Variants in ATG7 observed in about 807,000 individuals in gnomAD.
The protein encoded by ATG7 is ubiquitin-like modifier-activating enzyme ATG7.
ATG7 carries 70 observed loss-of-function variants against 82.4 expected under a neutral mutation model. The observed-to-expected ratio is 0.85, with a 90% CI of 0.70 to 1.04. The LOEUF (loss-of-function observed/expected upper bound fraction) is 1.04, where lower values mean the gene tolerates loss of function less well. Among genes scored for constraint, ATG7 ranks in the 50% least tolerant of loss-of-function variants. ATG7 has a pLI of 0.00. For synonymous variants in ATG7, 287 were observed against 313.0 expected, an observed-to-expected ratio of 0.92 and a Z score of 0.88; for missense variants, 792 against 864.3, an observed-to-expected ratio of 0.92 and a Z score of 1.05.
intron 20 of ATG7, among the ~76,000 whole-genome samples, chr3:11,525,498 C>CTTTTTTTTT (rs2092555780): frequency 1.5e-5 from 2 of 135,166 alleles, no homozygotes; most frequent in Non-Finnish European, 3.1e-5. Flanking sequence ...GTGACAGATG[C>CTTTTTTTTT]TCATTTGTTT....
the ATG7 span, among the ~76,000 whole-genome samples, chr3:11,566,794 G>A: frequency 2.0e-5 from 3 of 152,092 alleles, no homozygotes; most frequent in African/African-American, 4.8e-5. Context: ...CTTCGTCTAC[G>A]CACCCGCCCC....
rs1313940410 is a variant in ATG7, at chr3:11,298,799, TGAAC to T, written c.107_110del (p.Asn36SerfsTer27). 2 of 1,614,218 alleles carry T rather than the reference TGAAC, an allele frequency of 1.2e-6. No homozygotes were observed. Among genetic ancestry groups the T allele is most frequent in the East Asian group, 4.5e-5 (2 of 44,880 alleles). ...TGGCATGAGTTGACCCAGAAGAAGC[TGAAC>T]GAGTATCGGCTGGATGAAGCTCCCA... On this transcript the variant is annotated frameshift_variant, in exon 4 of 21. Transcript: ENST00000693202. LOFTEE classifies it high-confidence loss of function.
intron 1 of ATG7, among the ~76,000 whole-genome samples, chr3:11,278,970 A>T (rs1268311499): frequency 6.6e-6 from 1 of 152,130 alleles, no homozygotes; most frequent in Non-Finnish European, 1.5e-5. Context: ...GGGTATGTGG[A>T]GGTGGCCAAG....
chr3:11,421,259 A>C (rs188348909), intron 19 of ATG7, among the ~76,000 whole-genome samples: 33 of 152,292 alleles, frequency 2.2e-4, no homozygotes, highest in African/African-American at 7.2e-4. Context: ...TTCAGAAGAT[A>C]TTCCTCTGTA....
chr3:11,342,410 T>G, intron 13 of ATG7, 131 bp downstream of exon 13: 1 of 1,216,110 alleles, frequency 8.2e-7, no homozygotes, highest in Non-Finnish European at 1.1e-6. Context: ...CTTTTTCCTT[T>G]TCTTATCTTT....
At chr3:11,500,958 G>A (rs1392885757) in intron 20 of ATG7, among the ~76,000 whole-genome samples, 2 of 152,190 alleles carry the variant, frequency 1.3e-5, no homozygotes, top group African/African-American at 4.8e-5. Flanking sequence ...TAACAGAAAT[G>A]AATGAAAATA....
chr3:11,537,556 G>C (rs2070424615), intron 20 of ATG7, among the ~76,000 whole-genome samples: 1 of 152,178 alleles, frequency 6.6e-6, no homozygotes, highest in African/African-American at 2.4e-5. Flanking sequence ...CTTAGTCTCA[G>C]TTCCCATTTT....
At chr3:11,574,785 ATGTGTGTGTGTG>A in the ATG7 span, among the ~76,000 whole-genome samples, 4,294 of 121,762 alleles carry the variant, frequency 0.035, 172 homozygotes, top group Admixed American at 0.11. Flanking sequence ...TCAACTATAT[ATGTGTGTGTGTG>A]TGTGTGTGTG....
At chr3:11,460,131 C>A (rs2086162345) in intron 20 of ATG7, among the ~76,000 whole-genome samples, 1 of 152,212 alleles carries the variant, frequency 6.6e-6, no homozygotes, top group South Asian at 2.1e-4. Flanking sequence ...CATGACCAAC[C>A]AGATGGATCA....
intron 20 of ATG7, among the ~76,000 whole-genome samples, chr3:11,508,973 G>C (rs1259281834): frequency 6.6e-6 from 1 of 152,230 alleles, no homozygotes; most frequent in Non-Finnish European, 1.5e-5. Flanking sequence ...GAGAGCATAA[G>C]TAGAAGGAGA....
At chr3:11,424,877 T>C (rs917306358) in intron 19 of ATG7, among the ~76,000 whole-genome samples, 1 of 152,190 alleles carries the variant, frequency 6.6e-6, no homozygotes, top group Non-Finnish European at 1.5e-5. Context: ...CTATACACAG[T>C]CTAGATATTG....
intron 20 of ATG7, among the ~76,000 whole-genome samples, chr3:11,461,301 A>G (rs2086275850): frequency 6.6e-6 from 1 of 152,202 alleles, no homozygotes; most frequent in African/African-American, 2.4e-5. Flanking sequence ...ACTATAGGGA[A>G]TAGTGATTGG....
intron 20 of ATG7, among the ~76,000 whole-genome samples, chr3:11,550,298 C>CT (rs367635177): frequency 2.2e-3 from 339 of 150,680 alleles, no homozygotes; most frequent in African/African-American, 7.3e-3. Flanking sequence ...GGCTGTGCAT[C>CT]TTTTTTTTTC....
chr3:11,418,473 C>G (rs780774156), intron 19 of ATG7, among the ~76,000 whole-genome samples: 6 of 152,090 alleles, frequency 3.9e-5, no homozygotes, highest in Non-Finnish European at 5.9e-5. Flanking sequence ...AGATTTTTCT[C>G]GAGTATTTAC....
intron 17 of ATG7, among the ~76,000 whole-genome samples, chr3:11,364,263 C>G (rs2076456718): frequency 6.6e-6 from 1 of 152,196 alleles, no homozygotes; most frequent in Admixed American, 6.5e-5. Flanking sequence ...CAGAAATGTG[C>G]TGTGATGTTT....
intron 19 of ATG7, among the ~76,000 whole-genome samples, chr3:11,404,031 C>A (rs894114855): frequency 6.6e-6 from 1 of 151,824 alleles, no homozygotes; most frequent in Middle Eastern, 3.2e-3. Flanking sequence ...GATTTTTGAC[C>A]TACAATAGTA....
chr3:11,415,821 T>C (rs2152924006), intron 19 of ATG7, among the ~76,000 whole-genome samples: 1 of 152,044 alleles, frequency 6.6e-6, no homozygotes, highest in South Asian at 2.1e-4. Context: ...CTAACATGTA[T>C]AGTATAGTAA....
At chr3:11,397,229 A>G (rs1405811263) in intron 19 of ATG7, among the ~76,000 whole-genome samples, 1 of 152,234 alleles carries the variant, frequency 6.6e-6, no homozygotes, top group East Asian at 1.9e-4. Context: ...ATAATATTTT[A>G]GTATTGAATT....
At chr3:11,462,639 G>C (rs2086427420) in intron 20 of ATG7, among the ~76,000 whole-genome samples, 1 of 152,122 alleles carries the variant, frequency 6.6e-6, no homozygotes, top group African/African-American at 2.4e-5. Context: ...GGGCCAGATA[G>C]AGGAGGTGTG....
Sources: gnomAD v4.1 joint callset for allele counts (sites outside exome capture counted in the v4.1 genomes callset) on GRCh38, gnomAD v4.1.1 for gene constraint, MANE v1.5 for transcripts, NCBI Gene and HGNC (gene_info 2026-07-23, HGNC 2026-07-21) for gene names.